Variants in TYW1B observed in about 807,000 individuals in gnomAD.
TYW1B encodes the protein tRNA-yW synthesizing protein 1 homolog B.
In TYW1B, 73 loss-of-function variants were observed where a neutral mutation model predicts 86.9. That is an observed-to-expected ratio of 0.84 (90% CI 0.70 to 1.02). The LOEUF is 1.02. Ranked by LOEUF, TYW1B falls within the 50% of genes least tolerant of loss-of-function variation. The probability of loss-of-function intolerance (pLI) is 0.00; values close to 1 mark genes in which losing one functional copy is unlikely to be tolerated. For missense variants in TYW1B, 637 were observed against 827.4 expected (o/e 0.77, Z 2.82); for synonymous variants, 248 against 292.8 (o/e 0.85, Z 1.56).
At chr7:72,711,470 A>ACTTTT (rs1786660778) in intron 10 of TYW1B, among the ~76,000 whole-genome samples, 1 of 45,622 alleles carries the variant, frequency 2.2e-5, no homozygotes, top group African/African-American at 8.6e-5. Context: ...CTCCTCTTTA[A>ACTTTT]TTCTTTTTTT....
intron 11 of TYW1B, among the ~76,000 whole-genome samples, chr7:72,646,519 G>T (rs1554442085): frequency 6.6e-6 from 1 of 151,942 alleles, no homozygotes; most frequent in African/African-American, 2.4e-5. Flanking sequence ...CTACAGGTGT[G>T]TGCCACCGCA....
intron 10 of TYW1B, among the ~76,000 whole-genome samples, chr7:72,702,996 A>C (rs1180288156): frequency 0.092 from 1,078 of 11,778 alleles, 28 homozygotes; most frequent in African/African-American, 0.15. Flanking sequence ...CTATATATAT[A>C]TATATATATA....
intron 6 of TYW1B, among the ~76,000 whole-genome samples, chr7:72,795,641 TTTGTAAAGGCACA>T (rs1788293254): frequency 6.8e-6 from 1 of 146,954 alleles, no homozygotes; most frequent in Admixed American, 6.9e-5. Context: ...GATCTCTCCA[TTTGTAAAGGCACA>T]TTGTTCCCTC....
Position 72,828,064 on chromosome 7 carries a change from G to A in TYW1B, c.4+8C>T, listed in dbSNP as rs538948450. The A allele has an allele frequency of 6.2e-7, 1 of 1,614,002 alleles. No homozygotes were observed. Among genetic ancestry groups the A allele is most frequent in the East Asian group, 2.2e-5 (1 of 44,878 alleles). Reference sequence around the variant, plus strand: ...GCCCCAGGGTCCTTGCCCGCCGAGTGCCCTTACCCATCCTCCTCAGAGCCG... The same window carrying A: ...GCCCCAGGGTCCTTGCCCGCCGAGTACCCTTACCCATCCTCCTCAGAGCCG... On this transcript the variant is annotated splice_region_variant and intron_variant, in intron 1 of 13. Coordinates refer to ENST00000620995, the MANE Select transcript of TYW1B (RefSeq NM_001145440.3).
chr7:72,803,795 G>A (rs1234467009), intron 5 of TYW1B, among the ~76,000 whole-genome samples: 1 of 151,716 alleles, frequency 6.6e-6, no homozygotes, highest in Non-Finnish European at 1.5e-5. Context: ...TGTATTTTTA[G>A]TAGAGAGAGG....
At chr7:72,783,411 T>A (rs1554471950) in intron 6 of TYW1B, among the ~76,000 whole-genome samples, 2 of 150,764 alleles carry the variant, frequency 1.3e-5, no homozygotes, top group African/African-American at 4.9e-5. Flanking sequence ...GAAACTTTTA[T>A]TCATGTTTAA....
At chr7:72,813,517 G>C (rs1451592977) in intron 3 of TYW1B, among the ~76,000 whole-genome samples, 2 of 152,134 alleles carry the variant, frequency 1.3e-5, no homozygotes, top group Non-Finnish European at 2.9e-5. Flanking sequence ...GCATCACCAG[G>C]AGCATTGTTT....
intron 7 of TYW1B, among the ~76,000 whole-genome samples, chr7:72,753,580 A>G (rs1434220979): frequency 6.6e-6 from 1 of 150,428 alleles, no homozygotes; most frequent in Non-Finnish European, 1.5e-5. Flanking sequence ...ACCCGGGTTC[A>G]AGTGATTCTC....
chr7:72,762,579 A>G (rs761455963), intron 7 of TYW1B, among the ~76,000 whole-genome samples: 6 of 152,132 alleles, frequency 3.9e-5, no homozygotes, highest in Non-Finnish European at 8.8e-5. Context: ...GATATGTCTG[A>G]ATTGTTCCCT....
intron 7 of TYW1B, among the ~76,000 whole-genome samples, chr7:72,766,913 C>T (rs1379868004): frequency 6.6e-6 from 1 of 151,990 alleles, no homozygotes; most frequent in Admixed American, 6.6e-5. Flanking sequence ...GGTGACAGAA[C>T]AAGACTTTGT....
rs1554451109 is a variant in TYW1B at position 72,694,743 on chromosome 7, G to A, written c.1450C>T (p.Leu484Phe). ...KDSLKKIDRP[L>F]FKDFWQQFLD... ...AATTGCTGCCAGAAATCCTTGAAGAGTGGGCGGTCGATTTTCTTCAGGCTG... is the reference window on the plus strand; with the variant it reads ...AATTGCTGCCAGAAATCCTTGAAGAATGGGCGGTCGATTTTCTTCAGGCTG... Residue 484 changes from leucine (L) to phenylalanine (F), a missense_variant, in exon 11 of 14, where the codon CTC becomes TTC. By Grantham distance (22) the Leu-to-Phe change is conservative. Coordinates refer to ENST00000620995, the MANE Select transcript of TYW1B (RefSeq NM_001145440.3). The A allele has an allele frequency of 6.2e-7, 1 of 1,613,982 alleles. No homozygotes were observed. Among genetic ancestry groups the A allele is most frequent in the African/African-American group, 1.3e-5 (1 of 75,024 alleles).
intron 5 of TYW1B, among the ~76,000 whole-genome samples, chr7:72,803,588 G>A (rs1459142490): frequency 6.6e-6 from 1 of 152,128 alleles, no homozygotes; most frequent in Admixed American, 6.6e-5. Context: ...TGAAGGATAA[G>A]GCAGAATCAA....
intron 9 of TYW1B, among the ~76,000 whole-genome samples, chr7:72,722,443 T>C (rs1786921851): frequency 6.6e-6 from 1 of 152,216 alleles, no homozygotes; most frequent in South Asian, 2.1e-4. Context: ...TATTTCTCCC[T>C]GCCATGGTAG....
intron 6 of TYW1B, among the ~76,000 whole-genome samples, chr7:72,792,825 G>A (rs1300729295): frequency 5.9e-5 from 9 of 152,098 alleles, no homozygotes; most frequent in Admixed American, 4.6e-4. Flanking sequence ...ATGTTAAAGC[G>A]AAAGAAAAGC....
chr7:72,777,335 TAGAG>T, intron 7 of TYW1B, 77 bp downstream of exon 7: 2 of 1,519,744 alleles, frequency 1.3e-6, no homozygotes, highest in Non-Finnish European at 9.0e-7. Flanking sequence ...CTGAGCTAAT[TAGAG>T]AGAGACTTCA....
At chr7:72,765,576 G>C (rs1301656799) in intron 7 of TYW1B, among the ~76,000 whole-genome samples, 6 of 151,962 alleles carry the variant, frequency 3.9e-5, no homozygotes, top group Non-Finnish European at 8.8e-5. Context: ...AATGATTCTC[G>C]TGCCTCAGCC....
chr7:72,723,506 C>T (rs1250418655), intron 9 of TYW1B, among the ~76,000 whole-genome samples: 1 of 152,052 alleles, frequency 6.6e-6, no homozygotes, highest in African/African-American at 2.4e-5. Flanking sequence ...GTGGTTCACA[C>T]CTATAATCCC....
chr7:72,611,587 G>A (rs1221845131), intron 13 of TYW1B, among the ~76,000 whole-genome samples: 3 of 152,116 alleles, frequency 2.0e-5, no homozygotes, highest in Non-Finnish European at 2.9e-5. Context: ...GTGGAACTGT[G>A]AGTCCATTAA....
chr7:72,666,937 C>T (rs1813476351), intron 11 of TYW1B, among the ~76,000 whole-genome samples: 1 of 141,378 alleles, frequency 7.1e-6, no homozygotes, highest in Non-Finnish European at 1.5e-5. Context: ...GAGGCTGAGG[C>T]AGGAGAATGG....
Sources: allele counts gnomAD v4.1 joint callset (sites outside exome capture counted in the v4.1 genomes callset), GRCh38; gene constraint gnomAD v4.1.1; transcripts MANE v1.5; gene names NCBI Gene and HGNC (gene_info 2026-07-23, HGNC 2026-07-21).